The following GRIK4 variants were observed in gnomAD, a reference collection of about 807,000 sequenced individuals.
GRIK4 encodes glutamate ionotropic receptor kainate type subunit 4.
In GRIK4, 40 loss-of-function variants were observed where a neutral mutation model predicts 104.9. The observed-to-expected ratio is 0.38, with a 90% confidence interval of 0.30 to 0.50. The LOEUF (loss-of-function observed/expected upper bound fraction) is 0.50, where lower values mean the gene tolerates loss of function less well. GRIK4 is among the 20% of genes least tolerant of loss of function. GRIK4 has a pLI of 0.93. For missense variants in GRIK4, 1,047 were observed against 1,308.1 expected, an observed-to-expected ratio of 0.80 and a Z score of 3.08; for synonymous variants, 485 against 524.9, an observed-to-expected ratio of 0.92 and a Z score of 1.04.
At chr11:120,747,826 G>A (rs1248174298) in intron 3 of GRIK4, among the ~76,000 whole-genome samples, 3 of 152,130 alleles carry the variant, frequency 2.0e-5, no homozygotes, top group African/African-American at 7.2e-5. Context: ...CAAAATCTTT[G>A]CGTGTGCGTG....
Position 120,749,053 on chromosome 11 carries a change from A to G in GRIK4, c.83-53640A>G, listed in dbSNP as rs186034376. ...CTCCTCCTGCTGATTTGTGAGGATTAGACATTTGCTAAGGTGGGTACATTT... is the reference window on the plus strand; with the variant it reads ...CTCCTCCTGCTGATTTGTGAGGATTGGACATTTGCTAAGGTGGGTACATTT... On this transcript the variant is annotated intron_variant, in intron 3 of 20. Transcript: ENST00000527524. Among the ~76,000 whole-genome samples, 220 of 152,338 alleles carry G rather than the reference A, an allele frequency of 1.4e-3. 2 individuals are homozygous for G. Among genetic ancestry groups the G allele is most frequent in the Admixed American group, 0.012 (180 of 15,310 alleles).
intron 13 of GRIK4, among the ~76,000 whole-genome samples, chr11:120,937,365 C>T (rs1943620292): frequency 6.6e-6 from 1 of 152,178 alleles, no homozygotes; most frequent in Non-Finnish European, 1.5e-5. Flanking sequence ...GGTAAAATAA[C>T]GAAGGCACAT....
chr11:120,606,373 A>G (rs531879557), intron 1 of GRIK4, among the ~76,000 whole-genome samples: 3 of 152,322 alleles, frequency 2.0e-5, no homozygotes, highest in African/African-American at 4.8e-5. Flanking sequence ...GAATGGCCAC[A>G]TGTATCATCC....
At chr11:120,521,071 TTTTTG>T (rs150979004) in intron 1 of GRIK4, among the ~76,000 whole-genome samples, 235 of 152,162 alleles carry the variant, frequency 1.5e-3, no homozygotes, top group African/African-American at 5.0e-3. Flanking sequence ...CCATTTTCTT[TTTTTG>T]TTTTGTTTTG....
intron 1 of GRIK4, among the ~76,000 whole-genome samples, chr11:120,610,793 T>G (rs530363042): frequency 6.6e-6 from 1 of 152,212 alleles, no homozygotes; most frequent in Admixed American, 6.5e-5. Context: ...TTGCCCATTC[T>G]GCCCTAGGGA....
At chr11:120,882,489 CAGTGGG>C (rs2135707063) in intron 11 of GRIK4, among the ~76,000 whole-genome samples, 1 of 152,220 alleles carries the variant, frequency 6.6e-6, no homozygotes, top group Admixed American at 6.5e-5. Flanking sequence ...CCCCCAGAAC[CAGTGGG>C]AGTGACTTTG....
At chr11:120,632,671 C>T (rs928016410) in intron 1 of GRIK4, among the ~76,000 whole-genome samples, 6 of 152,250 alleles carry the variant, frequency 3.9e-5, no homozygotes, top group Middle Eastern at 3.4e-3. Context: ...ACTCACACCA[C>T]CCAGCATGTC....
chr11:120,929,777 G>A (rs1591296960), intron 13 of GRIK4, among the ~76,000 whole-genome samples: 1 of 152,170 alleles, frequency 6.6e-6, no homozygotes. Context: ...GGTGTTAGAG[G>A]GAACCGGGTC....
intron 1 of GRIK4, among the ~76,000 whole-genome samples, chr11:120,649,735 T>C (rs969353089): frequency 6.6e-6 from 1 of 152,228 alleles, no homozygotes; most frequent in Non-Finnish European, 1.5e-5. Flanking sequence ...TCTGCAGGAC[T>C]GCTCATCTCC....
chr11:120,766,582 G>A (rs1048203717), intron 3 of GRIK4, among the ~76,000 whole-genome samples: 12 of 152,216 alleles, frequency 7.9e-5, no homozygotes, highest in Non-Finnish European at 1.8e-4. Context: ...GCCTTGTGGT[G>A]TAGGAACCCG....
intron 3 of GRIK4, among the ~76,000 whole-genome samples, chr11:120,769,226 T>C (rs779475330): frequency 6.6e-6 from 1 of 152,198 alleles, no homozygotes; most frequent in Non-Finnish European, 1.5e-5. Context: ...GCTATTGGTC[T>C]GTTCAAGCTT....
chr11:120,796,765 G>T (rs1037572838), intron 3 of GRIK4, among the ~76,000 whole-genome samples: 1 of 152,044 alleles, frequency 6.6e-6, no homozygotes, highest in East Asian at 1.9e-4. Context: ...CCATGCCAGA[G>T]ACTCAACAGG....
chr11:120,712,113 CTG>C (rs755921236), intron 3 of GRIK4, among the ~76,000 whole-genome samples: 4 of 152,234 alleles, frequency 2.6e-5, no homozygotes, highest in Non-Finnish European at 4.4e-5. Flanking sequence ...TAAATAGTGA[CTG>C]TAAAGTAAGG....
intron 1 of GRIK4, among the ~76,000 whole-genome samples, chr11:120,571,405 C>T (rs1411393574): frequency 2.0e-5 from 3 of 152,120 alleles, no homozygotes; most frequent in Non-Finnish European, 2.9e-5. Flanking sequence ...CTGGATCTCC[C>T]GTTTTCTGTA....
chr11:120,867,744 G>A (rs1592008151), intron 9 of GRIK4, among the ~76,000 whole-genome samples: 2 of 151,964 alleles, frequency 1.3e-5, no homozygotes, highest in East Asian at 2.0e-4. Flanking sequence ...CCAGGTGGCC[G>A]ACAGGAGATG....
intron 8 of GRIK4, among the ~76,000 whole-genome samples, chr11:120,844,441 T>C (rs1228467338): frequency 6.6e-6 from 1 of 152,212 alleles, no homozygotes; most frequent in East Asian, 1.9e-4. Context: ...CAAATCAGTC[T>C]TGTTCATCAC....
intron 3 of GRIK4, among the ~76,000 whole-genome samples, chr11:120,686,697 A>G (rs1302209684): frequency 6.6e-6 from 1 of 152,260 alleles, no homozygotes; most frequent in Non-Finnish European, 1.5e-5. Context: ...GGCTTTGGAA[A>G]GCATTTAGGT....
chr11:120,983,176 T>C (rs1274459216), intron 20 of GRIK4, among the ~76,000 whole-genome samples: 1 of 152,138 alleles, frequency 6.6e-6, no homozygotes, highest in Non-Finnish European at 1.5e-5. Context: ...TGCTCCAGGA[T>C]TATCCTCTTT....
At chr11:120,731,145 T>C (rs1951120461) in intron 3 of GRIK4, among the ~76,000 whole-genome samples, 1 of 152,186 alleles carries the variant, frequency 6.6e-6, no homozygotes, top group South Asian at 2.1e-4. Flanking sequence ...GTGTTCTGGA[T>C]CTTAAAGGAA....
Sources: allele counts gnomAD v4.1 joint callset (sites outside exome capture counted in the v4.1 genomes callset), GRCh38; gene constraint gnomAD v4.1.1; transcripts MANE v1.5; gene names NCBI Gene and HGNC (gene_info 2026-07-23, HGNC 2026-07-21).